Variants in DPP10 observed in about 807,000 individuals in gnomAD.
DPP10 encodes dipeptidyl peptidase like 10.
DPP10 carries 33 observed loss-of-function variants against 120.9 expected under a neutral mutation model. The observed-to-expected ratio is 0.27, with a 90% CI of 0.21 to 0.37. The LOEUF (loss-of-function observed/expected upper bound fraction) is 0.37. DPP10 is among the 10% of genes least tolerant of loss of function. The pLI is 1.00. For synonymous variants in DPP10, 337 were observed against 326.1 expected, an observed-to-expected ratio of 1.03 and a Z score of -0.36; for missense variants, 816 against 942.8, an observed-to-expected ratio of 0.87 and a Z score of 1.76.
chr2:115,336,593 C>T, intron 2 of DPP10, among the ~76,000 whole-genome samples: 1 of 150,592 alleles, frequency 6.6e-6, no homozygotes. Context: ...GTCTCTCTCT[C>T]TCTCTCTATA....
intron 1 of DPP10, among the ~76,000 whole-genome samples, chr2:115,135,380 A>G (rs973398005): frequency 1.3e-5 from 2 of 151,946 alleles, no homozygotes; most frequent in Admixed American, 6.6e-5. Context: ...TACTGGCCCA[A>G]TATAGAGAAT....
chr2:115,625,841 G>C (rs1299508787), intron 5 of DPP10, among the ~76,000 whole-genome samples: 1 of 151,914 alleles, frequency 6.6e-6, no homozygotes, highest in South Asian at 2.1e-4. Flanking sequence ...AATGAAGAAA[G>C]TTTTCTCTGA....
At chr2:114,611,533 G>T (rs113867987) in intron 1 of DPP10, among the ~76,000 whole-genome samples, 1,610 of 152,200 alleles carry the variant, frequency 0.011, 42 homozygotes, top group African/African-American at 0.037. Flanking sequence ...AGAGACAAAA[G>T]AATTGATTGT....
intron 4 of DPP10, among the ~76,000 whole-genome samples, chr2:115,509,146 C>T (rs527504795): frequency 2.0e-5 from 3 of 151,896 alleles, no homozygotes; most frequent in Non-Finnish European, 2.9e-5. Context: ...AATATATTCC[C>T]GTTGAAGTGA....
chr2:114,745,050 G>A (rs1048670467), intron 1 of DPP10, among the ~76,000 whole-genome samples: 5 of 152,174 alleles, frequency 3.3e-5, no homozygotes, highest in Admixed American at 2.6e-4. Flanking sequence ...GTGAGCCACC[G>A]TGCCTGGCCA....
chr2:115,569,434 T>A (rs1375333006), intron 5 of DPP10, among the ~76,000 whole-genome samples: 1 of 152,226 alleles, frequency 6.6e-6, no homozygotes, highest in Non-Finnish European at 1.5e-5. Flanking sequence ...GTGGTGTCAT[T>A]GGTCTTGAAA....
chr2:115,528,604 A>T (rs530516305), intron 5 of DPP10, among the ~76,000 whole-genome samples: 3 of 152,096 alleles, frequency 2.0e-5, no homozygotes, highest in Non-Finnish European at 4.4e-5. Context: ...AAAAACTGAG[A>T]CAGCCCAGAT....
intron 5 of DPP10, among the ~76,000 whole-genome samples, chr2:115,599,463 C>T (rs1475951095): frequency 1.3e-5 from 2 of 152,128 alleles, no homozygotes; most frequent in Non-Finnish European, 2.9e-5. Flanking sequence ...TCTTATTAAG[C>T]TTACTCAGTG....
intron 2 of DPP10, among the ~76,000 whole-genome samples, chr2:115,312,731 C>T (rs2106045989): frequency 6.6e-6 from 1 of 152,232 alleles, no homozygotes. Flanking sequence ...AAACATGCAG[C>T]ATCATCCCTC....
intron 1 of DPP10, among the ~76,000 whole-genome samples, chr2:114,840,962 C>A (rs1688111369): frequency 6.6e-6 from 1 of 152,136 alleles, no homozygotes; most frequent in Non-Finnish European, 1.5e-5. Context: ...AACTGGCAAG[C>A]TTCCCTACCA....
intron 5 of DPP10, among the ~76,000 whole-genome samples, chr2:115,675,138 T>C (rs1440400178): frequency 6.6e-6 from 1 of 152,200 alleles, no homozygotes; most frequent in African/African-American, 2.4e-5. Flanking sequence ...AAAGATGTTA[T>C]CATTACCTGG....
At chr2:115,417,819 A>G (rs960456773) in intron 3 of DPP10, among the ~76,000 whole-genome samples, 3 of 152,176 alleles carry the variant, frequency 2.0e-5, no homozygotes, top group Non-Finnish European at 2.9e-5. Flanking sequence ...GTCTTTTCCA[A>G]GTGTGCGGTC....
chr2:114,615,077 A>G (rs1188649811), intron 1 of DPP10, among the ~76,000 whole-genome samples: 1 of 152,208 alleles, frequency 6.6e-6, no homozygotes, highest in East Asian at 1.9e-4. Flanking sequence ...CTAATTGAGT[A>G]TGCATCTATC....
At chr2:115,403,694 G>A (rs75616993) in intron 3 of DPP10, among the ~76,000 whole-genome samples, 3,487 of 152,136 alleles carry the variant, frequency 0.023, 61 homozygotes, top group Non-Finnish European at 0.032. Flanking sequence ...ATGAGCCACC[G>A]TGCCTGGCCA....
At chr2:115,832,850 C>G (rs1020880803) in intron 21 of DPP10, among the ~76,000 whole-genome samples, 1 of 151,808 alleles carries the variant, frequency 6.6e-6, no homozygotes, top group Admixed American at 6.6e-5. Context: ...TCGGCTGGGA[C>G]TAAGAAGATG....
intron 22 of DPP10, 36 bp downstream of exon 22, chr2:115,836,292 A>G: frequency 6.4e-7 from 1 of 1,557,010 alleles, no homozygotes; most frequent in Non-Finnish European, 8.7e-7. Flanking sequence ...AGTATAATGT[A>G]TTGATTTGTA....
intron 1 of DPP10, among the ~76,000 whole-genome samples, chr2:114,565,983 A>G (rs1277686015): frequency 1.3e-5 from 2 of 152,242 alleles, no homozygotes; most frequent in African/African-American, 2.4e-5. Flanking sequence ...AACAAAACAG[A>G]TAAAAATAAA....
intron 5 of DPP10, among the ~76,000 whole-genome samples, chr2:115,562,895 T>C (rs2080776006): frequency 6.6e-6 from 1 of 152,216 alleles, no homozygotes; most frequent in Non-Finnish European, 1.5e-5. Flanking sequence ...TACTGGGTGA[T>C]CACAGGGAAT....
chr2:115,549,428 T>A (rs776997630), intron 5 of DPP10, among the ~76,000 whole-genome samples: 4 of 152,092 alleles, frequency 2.6e-5, no homozygotes, highest in Non-Finnish European at 5.9e-5. Context: ...ACTTTTTCTA[T>A]CCTTCAATGT....
Sources: gnomAD v4.1 joint callset for allele counts (sites outside exome capture counted in the v4.1 genomes callset) on GRCh38, gnomAD v4.1.1 for gene constraint, MANE v1.5 for transcripts, NCBI Gene and HGNC (gene_info 2026-07-23, HGNC 2026-07-21) for gene names.